The following CFAP299 variants were observed in gnomAD, a reference collection of about 807,000 sequenced individuals.
CFAP299 encodes cilia and flagella associated protein 299, also known as cilia- and flagella-associated protein 299.
In CFAP299, 21 loss-of-function variants were observed where a neutral mutation model predicts 27.0. That is an observed-to-expected ratio of 0.78 (90% CI 0.55 to 1.12). The LOEUF (loss-of-function observed/expected upper bound fraction) is 1.12. Among genes scored for constraint, CFAP299 ranks in the 50% most tolerant of loss-of-function variants. The pLI is 0.00. For missense variants in CFAP299, 310 were observed against 276.6 expected (o/e 1.12, Z -0.86); for synonymous variants, 104 against 98.1 (o/e 1.06, Z -0.36).
At chr4:80,717,006 T>A (rs954189344) in intron 3 of CFAP299, among the ~76,000 whole-genome samples, 1 of 152,172 alleles carries the variant, frequency 6.6e-6, no homozygotes, top group Non-Finnish European at 1.5e-5. Flanking sequence ...TATTGGGAAA[T>A]GTATTCATTT....
intron 2 of CFAP299, chr4:80,386,870 G>T: frequency 2.3e-6 from 2 of 860,750 alleles, no homozygotes; most frequent in Non-Finnish European, 2.0e-6. Flanking sequence ...CCTTGAGGTT[G>T]AATGCGGACT....
chr4:80,505,977 TAC>T (rs1183955142), intron 2 of CFAP299, among the ~76,000 whole-genome samples: 14 of 150,572 alleles, frequency 9.3e-5, no homozygotes, highest in South Asian at 4.2e-4. Flanking sequence ...TTCTAATGTG[TAC>T]ACACACACAC....
intron 1 of CFAP299, among the ~76,000 whole-genome samples, chr4:80,358,734 A>ATC (rs1723397217): frequency 6.6e-6 from 1 of 151,846 alleles, no homozygotes; most frequent in South Asian, 2.1e-4. Flanking sequence ...TGTGAGATTG[A>ATC]TCTCTTGAAG....
chr4:80,687,857 G>A (rs532317946), intron 3 of CFAP299, among the ~76,000 whole-genome samples: 10 of 152,332 alleles, frequency 6.6e-5, no homozygotes, highest in Middle Eastern at 3.4e-3. Flanking sequence ...GAAGCAGGGC[G>A]AGGCATTGCC....
At chr4:80,503,476 T>C (rs1178638624) in intron 2 of CFAP299, among the ~76,000 whole-genome samples, 2 of 152,146 alleles carry the variant, frequency 1.3e-5, no homozygotes, top group Admixed American at 6.6e-5. Flanking sequence ...TGTATAATGT[T>C]CTTATTCTCA....
intron 3 of CFAP299, among the ~76,000 whole-genome samples, chr4:80,825,864 A>C (rs1729958997): frequency 6.6e-6 from 1 of 151,950 alleles, no homozygotes. Context: ...TTGTTATAAA[A>C]ATGGTTTGTA....
chr4:80,803,645 T>C (rs914638917), intron 3 of CFAP299, among the ~76,000 whole-genome samples: 4 of 151,484 alleles, frequency 2.6e-5, no homozygotes, highest in Non-Finnish European at 4.4e-5. Flanking sequence ...CTAGTAACCA[T>C]ATTCAAAAAG....
chr4:80,331,980 A>G (rs1721958283), upstream of CFAP299, among the ~76,000 whole-genome samples: 1 of 152,348 alleles, frequency 6.6e-6, no homozygotes, highest in Admixed American at 6.5e-5. Context: ...AACTGAGAAG[A>G]AACAGCTAAT....
chr4:80,658,215 C>T (rs10017890), intron 3 of CFAP299, among the ~76,000 whole-genome samples: 99,159 of 152,006 alleles, frequency 0.65, 34,292 homozygotes, highest in Non-Finnish European at 0.77. Flanking sequence ...TATTTGAATA[C>T]GCTTTATTTC....
chr4:80,689,498 AT>A (rs1425341607), intron 3 of CFAP299, among the ~76,000 whole-genome samples: 2 of 152,224 alleles, frequency 1.3e-5, no homozygotes, highest in Non-Finnish European at 2.9e-5. Flanking sequence ...ATGCTGAGAG[AT>A]TTTGTCACCA....
At chr4:80,404,249 C>CAA (rs1314089901) in intron 2 of CFAP299, among the ~76,000 whole-genome samples, 8 of 152,014 alleles carry the variant, frequency 5.3e-5, no homozygotes, top group Non-Finnish European at 7.4e-5. Context: ...CACACACACA[C>CAA]AATATAATTC....
chr4:80,602,396 T>TA (rs1737401362), intron 3 of CFAP299, among the ~76,000 whole-genome samples: 1 of 152,022 alleles, frequency 6.6e-6, no homozygotes, highest in African/African-American at 2.4e-5. Flanking sequence ...AAAATTAATT[T>TA]AAAAAAGTAT....
intron 4 of CFAP299, among the ~76,000 whole-genome samples, chr4:80,920,782 A>T (rs1736004433): frequency 6.6e-6 from 1 of 152,218 alleles, no homozygotes; most frequent in Admixed American, 6.6e-5. Context: ...GTATTTAGAA[A>T]GGGAGAGTTC....
intron 4 of CFAP299, among the ~76,000 whole-genome samples, chr4:80,878,985 A>G (rs1234380930): frequency 6.6e-6 from 1 of 152,160 alleles, no homozygotes; most frequent in Non-Finnish European, 1.5e-5. Context: ...AGGACATTAA[A>G]TAAATATTTC....
chr4:80,405,562 A>T (rs1344325916), intron 2 of CFAP299, among the ~76,000 whole-genome samples: 3 of 152,112 alleles, frequency 2.0e-5, no homozygotes, highest in African/African-American at 7.2e-5. Flanking sequence ...CAATTTTAAA[A>T]AATAAGGAAA....
At position 80,866,657 on chromosome 4, in the gene CFAP299, C is replaced by T. The variant is rs191872817; in HGVS notation, c.334-3336C>T. The stretch of plus-strand genomic sequence containing the variant: ...TGAGTGACTTGCCCAGGGCTGTATA[C>T]GATGATTCTAGAGGGACCCGCACTT... On this transcript the variant is annotated intron_variant, in intron 3 of 5. Coordinates refer to ENST00000358105, the MANE Select transcript of CFAP299 (RefSeq NM_152770.3). 3.0e-3 allele frequency among the ~76,000 whole-genome samples: 453 copies of T among 152,198 alleles called. 3 individuals carry two copies. Among genetic ancestry groups the T allele is most frequent in the African/African-American group, 0.01 (432 of 41,534 alleles).
intron 2 of CFAP299, among the ~76,000 whole-genome samples, chr4:80,489,450 G>A (rs961559506): frequency 7.2e-6 from 1 of 139,110 alleles, no homozygotes; most frequent in Non-Finnish European, 1.5e-5. Flanking sequence ...TTCAACTTTG[G>A]TTAGGATCAC....
chr4:80,824,905 G>T (rs1291572177), intron 3 of CFAP299, among the ~76,000 whole-genome samples: 1 of 151,778 alleles, frequency 6.6e-6, no homozygotes, highest in Non-Finnish European at 1.5e-5. Context: ...CCATTCAAAG[G>T]AACAAAAAAT....
chr4:80,552,997 A>AT (rs200133458), intron 2 of CFAP299, among the ~76,000 whole-genome samples: 78 of 146,188 alleles, frequency 5.3e-4, no homozygotes, highest in African/African-American at 8.3e-4. Context: ...CAATAGGTTT[A>AT]TTTTTTTTTT....
Sources: allele counts gnomAD v4.1 joint callset (sites outside exome capture counted in the v4.1 genomes callset), GRCh38; gene constraint gnomAD v4.1.1; transcripts MANE v1.5; gene names NCBI Gene and HGNC (gene_info 2026-07-23, HGNC 2026-07-21).